KLHL8: variants seen among roughly 807,000 people sequenced by gnomAD.
KLHL8 encodes the protein kelch-like protein 8.
KLHL8 carries 38 observed loss-of-function variants against 63.5 expected under a neutral mutation model. The ratio of observed to expected loss-of-function variants is 0.60; its 90% CI spans 0.46 to 0.78. The LOEUF (loss-of-function observed/expected upper bound fraction) is 0.78, where lower values mean the gene tolerates loss of function less well. KLHL8 is among the 30% of genes least tolerant of loss of function. KLHL8 has a pLI of 0.00. For synonymous variants in KLHL8, 224 were observed against 254.3 expected (o/e 0.88, Z 1.13); for missense variants, 566 against 752.4 (o/e 0.75, Z 2.90).
chr4:87,205,611 G>C (rs1732093778), intron 1 of KLHL8, among the ~76,000 whole-genome samples: 1 of 152,068 alleles, frequency 6.6e-6, no homozygotes. Flanking sequence ...CTATAGGCGT[G>C]CACCACCATA....
chr4:87,228,659 T>C (rs1221557120), intron 1 of KLHL8, among the ~76,000 whole-genome samples: 1 of 152,186 alleles, frequency 6.6e-6, no homozygotes, highest in African/African-American at 2.4e-5. Flanking sequence ...ACTGGGTCAG[T>C]GGAGAAAGAA....
intron 2 of KLHL8, among the ~76,000 whole-genome samples, chr4:87,189,402 C>T (rs1731389029): frequency 6.6e-6 from 1 of 152,132 alleles, no homozygotes; most frequent in African/African-American, 2.4e-5. Context: ...AGAATATCAA[C>T]ATTCATTAAA....
At chr4:87,225,756 T>C (rs1462222724) in intron 1 of KLHL8, among the ~76,000 whole-genome samples, 1 of 152,248 alleles carries the variant, frequency 6.6e-6, no homozygotes, top group Non-Finnish European at 1.5e-5. Flanking sequence ...GAAAGCATCA[T>C]CCTTGCTATG....
At chr4:87,177,211 T>C (rs181997514) in intron 5 of KLHL8, among the ~76,000 whole-genome samples, 1 of 152,258 alleles carries the variant, frequency 6.6e-6, no homozygotes, top group Admixed American at 6.5e-5. Flanking sequence ...TATTAGGTTA[T>C]ATTTGAAAAT....
At chr4:87,170,722 C>CTATACTGTTTGA in intron 6 of KLHL8, 107 bp from the exon 7 acceptor site, 1 of 955,988 alleles carries the variant, frequency 1.0e-6, no homozygotes, top group Non-Finnish European at 1.6e-6. Context: ...AACCTTCAAA[C>CTATACTGTTTGA]AGTATAGTTT....
At chr4:87,166,463 A>C (rs755572511) in intron 8 of KLHL8, among the ~76,000 whole-genome samples, 1 of 152,228 alleles carries the variant, frequency 6.6e-6, no homozygotes, top group Non-Finnish European at 1.5e-5. Flanking sequence ...CAATATAGCT[A>C]ATCATGTACT....
chr4:87,221,001 G>T (rs1046390510), upstream of KLHL8: 16 of 152,160 alleles, frequency 1.1e-4, no homozygotes, highest in Admixed American at 5.2e-4. Context: ...CTTTCACCAC[G>T]TGCTCTACAA....
chr4:87,170,861 C>G (rs558198468), intron 6 of KLHL8, among the ~76,000 whole-genome samples: 1 of 152,116 alleles, frequency 6.6e-6, no homozygotes, highest in African/African-American at 2.4e-5. Flanking sequence ...CTACTTTAAA[C>G]TCAAAACAAT....
Position 87,195,930 on chromosome 4 carries a change from G to A in KLHL8, c.-151-240C>T, listed in dbSNP as rs1275219619. Among the ~76,000 whole-genome samples, 3 of 152,104 alleles carry A rather than the reference G, an allele frequency of 2.0e-5. No individual in the cohort carries two copies. The East Asian group carries it at 5.8e-4, about 29-fold the overall frequency. On this transcript the variant is annotated intron_variant, in intron 1 of 9. Transcript: ENST00000273963. ...GACTTGAGCACATGACTTTTGAGATGTGTAATATGCTATCTTCAAAGAGAA... is the reference window on the plus strand; with the variant it reads ...GACTTGAGCACATGACTTTTGAGATATGTAATATGCTATCTTCAAAGAGAA...
chr4:87,172,443 T>G (rs547423986), intron 6 of KLHL8, among the ~76,000 whole-genome samples: 1 of 152,294 alleles, frequency 6.6e-6, no homozygotes, highest in East Asian at 1.9e-4. Flanking sequence ...TGTGAGCTAA[T>G]AAATGGGTGC....
intron 1 of KLHL8, among the ~76,000 whole-genome samples, chr4:87,208,651 T>C (rs927223381): frequency 2.0e-5 from 3 of 152,180 alleles, no homozygotes; most frequent in Non-Finnish European, 4.4e-5. Flanking sequence ...TTCTTTCACT[T>C]ATTTTGTCAT....
At chr4:87,179,194 C>T (rs1730952684) in intron 4 of KLHL8, among the ~76,000 whole-genome samples, 1 of 152,154 alleles carries the variant, frequency 6.6e-6, no homozygotes, top group Non-Finnish European at 1.5e-5. Flanking sequence ...TCAAACCCAA[C>T]AAGTTCAAAA....
intron 1 of KLHL8, among the ~76,000 whole-genome samples, chr4:87,217,011 T>C (rs1406621920): frequency 6.6e-6 from 1 of 152,108 alleles, no homozygotes; most frequent in African/African-American, 2.4e-5. Flanking sequence ...TAAGTGGAGA[T>C]CTGGGATTCT....
At chr4:87,168,168 GT>G (rs1227760279) in intron 8 of KLHL8, among the ~76,000 whole-genome samples, 2 of 152,274 alleles carry the variant, frequency 1.3e-5, no homozygotes, top group African/African-American at 4.8e-5. Context: ...ATTTTAGGGG[GT>G]GTTTTTGTGT....
At chr4:87,233,242 C>T (rs990339332) in intron 1 of KLHL8, among the ~76,000 whole-genome samples, 1 of 152,028 alleles carries the variant, frequency 6.6e-6, no homozygotes, top group Non-Finnish European at 1.5e-5. Context: ...AGGGTTTTAC[C>T]ATGTTGCCCA....
intron 6 of KLHL8, among the ~76,000 whole-genome samples, chr4:87,173,930 AG>A (rs1210301599): frequency 6.6e-6 from 1 of 151,652 alleles, no homozygotes; most frequent in African/African-American, 2.4e-5. Context: ...CTTTTTCATG[AG>A]GGGAAAAAAA....
chr4:87,174,958 G>A (rs1223187410), intron 6 of KLHL8, among the ~76,000 whole-genome samples: 1 of 152,158 alleles, frequency 6.6e-6, no homozygotes, highest in South Asian at 2.1e-4. Flanking sequence ...ACTCCTGTAA[G>A]TTTTCTTGTC....
chr4:87,218,367 C>T (rs1031209924), intron 1 of KLHL8, among the ~76,000 whole-genome samples: 1 of 152,012 alleles, frequency 6.6e-6, no homozygotes, highest in Non-Finnish European at 1.5e-5. Flanking sequence ...CAGGCATGCG[C>T]CACCATGCCC....
Position 87,195,604 on chromosome 4 carries a change from T to TAG in KLHL8, c.-67_-66dup. On this transcript the variant is annotated 5_prime_UTR_variant, in exon 2 of 10. Coordinates refer to ENST00000273963, the MANE Select transcript of KLHL8 (RefSeq NM_020803.5). ...ATGCCATTTATTTTTTTTCAAAGGG[T>TAG]AGAGAGAAGGCAGAAGGTAGATGTA... The TAG allele has an allele frequency of 7.3e-7, 1 of 1,374,734 alleles. No individual in the cohort carries two copies. The highest frequency in any genetic ancestry group is 1.8e-5 in the Admixed American group (1 of 55,580). 85.2% of individuals were successfully genotyped at this position (1,374,734 alleles called of 1,614,324 possible).
Sources: gnomAD v4.1 joint callset for allele counts (sites outside exome capture counted in the v4.1 genomes callset) on GRCh38, gnomAD v4.1.1 for gene constraint, MANE v1.5 for transcripts, NCBI Gene and HGNC (gene_info 2026-07-23, HGNC 2026-07-21) for gene names.